The following NOB1 variants were observed in gnomAD, a reference collection of about 807,000 sequenced individuals.
The protein encoded by NOB1 is RNA-binding protein NOB1.
NOB1 carries 44 observed loss-of-function variants against 44.8 expected under a neutral mutation model. The observed-to-expected ratio is 0.98, with a 90% confidence interval of 0.77 to 1.26. NOB1 has a LOEUF of 1.26. Ranked by LOEUF, NOB1 falls within the 50% of genes most tolerant of loss-of-function variation. The pLI is 0.00. For missense variants in NOB1, 560 were observed against 544.8 expected (o/e 1.03, Z -0.28); for synonymous variants, 238 against 218.7 (o/e 1.09, Z -0.78).
rs545315440 is a variant in NOB1 at position 69,754,193 on chromosome 16, T to A, written c.196+401A>T. Among the ~76,000 whole-genome samples, 36 of 152,322 alleles carry A rather than the reference T, an allele frequency of 2.4e-4. 1 individual carries two copies. Among genetic ancestry groups the A allele is most frequent in the African/African-American group, 8.7e-4 (36 of 41,580 alleles). ...TCTTTGTATCCAGTCATCAGCCCAA[T>A]CTACTGAAAAGAAATGGACGAGAGT... On this transcript the variant is annotated intron_variant, in intron 2 of 8. Transcript: ENST00000268802.
intron 3 of NOB1, among the ~76,000 whole-genome samples, chr16:69,750,136 TG>T (rs1368740142): frequency 1.3e-5 from 2 of 151,366 alleles, no homozygotes; most frequent in African/African-American, 4.8e-5. Context: ...CCCAAGTAGC[TG>T]GGATTACAGG....
rs2038386614 is a variant in NOB1, at chr16:69,742,159, G to A, written c.*173C>T. The A allele has an allele frequency of 1.3e-6, 1 of 780,252 alleles. No homozygotes were observed. Among genetic ancestry groups the A allele is most frequent in the Admixed American group, 3.0e-5 (1 of 33,716 alleles). 48.3% of individuals were successfully genotyped at this position (780,252 alleles called of 1,614,324 possible). On this transcript the variant is annotated 3_prime_UTR_variant, in exon 9 of 9. Transcript: ENST00000268802. ...GGCGCTCCGGTGCTCACAGGCCATG[G>A]GACAGTCCAGTTCCCTGCAGACCCA...
intron 7 of NOB1, among the ~76,000 whole-genome samples, chr16:69,747,305 A>G (rs563242157): frequency 6.6e-6 from 1 of 152,002 alleles, no homozygotes; most frequent in Non-Finnish European, 1.5e-5. Flanking sequence ...TAGGAGGACA[A>G]GATAAGAGGA....
intron 2 of NOB1, among the ~76,000 whole-genome samples, chr16:69,753,543 T>C (rs2038499672): frequency 6.6e-6 from 1 of 152,224 alleles, no homozygotes; most frequent in Non-Finnish European, 1.5e-5. Context: ...TATGTGTTAA[T>C]GCATTTCATC....
rs745661273 is a variant in NOB1, at chr16:69,754,611, G to C, written c.179C>G (p.Pro60Arg). The stretch of plus-strand genomic sequence containing the variant: ...GCACTCACCCAGCCGCACGTATTCC[G>C]GTAAGGGCTCCTTGAACCGCAGCTC... ...PYELRFKEPL[P>R]EYVRLVTEFS... Residue 60 changes from proline to arginine, a missense_variant, in exon 2 of 9, where the codon CCG becomes CGG. By Grantham distance (103) the Pro-to-Arg change is moderately radical. Coordinates refer to ENST00000268802, the MANE Select transcript of NOB1 (RefSeq NM_014062.3). 1 of 1,614,122 alleles carries C rather than the reference G, an allele frequency of 6.2e-7. No individual in the cohort carries two copies. Among genetic ancestry groups the C allele is most frequent in the African/African-American group, 1.3e-5 (1 of 75,058 alleles).
chr16:69,746,296 C>G (rs1295033140), intron 7 of NOB1, among the ~76,000 whole-genome samples: 1 of 152,226 alleles, frequency 6.6e-6, no homozygotes, highest in African/African-American at 2.4e-5. Flanking sequence ...ACGTGATGCC[C>G]CCAGACCCAG....
chr16:69,744,526 G>A (rs566855113), intron 8 of NOB1, among the ~76,000 whole-genome samples: 2 of 151,928 alleles, frequency 1.3e-5, no homozygotes, highest in African/African-American at 4.8e-5. Context: ...TAGCCCGTCC[G>A]GCCCTCTCTT....
intron 2 of NOB1, among the ~76,000 whole-genome samples, chr16:69,754,140 C>T (rs1284404311): frequency 6.6e-6 from 1 of 152,246 alleles, no homozygotes; most frequent in East Asian, 1.9e-4. Context: ...GCAAAGCATT[C>T]CCTTTTTAAA....
chr16:69,747,285 C>G (rs1316943389), intron 7 of NOB1, among the ~76,000 whole-genome samples: 1 of 148,346 alleles, frequency 6.7e-6, no homozygotes, highest in East Asian at 2.0e-4. Context: ...GGCCTGTAAT[C>G]GCACCACTTT....
chr16:69,742,670 A>C, intron 8 of NOB1, 69 bp from the exon 9 acceptor site: 1 of 1,520,216 alleles, frequency 6.6e-7, no homozygotes, highest in Non-Finnish European at 9.1e-7. Flanking sequence ...ATGGCTGGTA[A>C]GGTGCAGCCG....
intron 8 of NOB1, among the ~76,000 whole-genome samples, chr16:69,743,388 C>G (rs890933956): frequency 4.6e-5 from 7 of 152,322 alleles, no homozygotes; most frequent in Admixed American, 3.3e-4. Context: ...GTCTCAGTCT[C>G]TTTCTACAAA....
At position 69,749,562 on chromosome 16, in the gene NOB1, G is replaced by A. The variant is rs536513691; in HGVS notation, c.396C>T (p.Tyr132=). 325 of 1,612,918 alleles carry A rather than the reference G, an allele frequency of 2.0e-4. 3 individuals are homozygous for A. The South Asian group carries it at 3.5e-3, about 17-fold the overall frequency. The change falls in exon 4 of 9, where the codon TAC becomes TAT. Residue 132 remains tyrosine (Y), a synonymous_variant. Transcript: ENST00000268802. ...CCTGGCTTGTCTAAGAAATTACCTT[G>A]TAGGGCAGATGGAAACCAGAAATGT... ...PLHISGFHLP[Y]KPKPPQETEK... is the part of the protein sequence containing the mutation.
At position 69,750,138 on chromosome 16, in the gene NOB1, G is replaced by A. The variant is rs559100460; in HGVS notation, c.328-508C>T. Among the ~76,000 whole-genome samples the A allele has an allele frequency of 4.0e-5, 6 of 151,508 alleles. No homozygotes were observed. The East Asian group carries it at 6.0e-4, about 15-fold the overall frequency. On this transcript the variant is annotated intron_variant, in intron 3 of 8. Coordinates refer to ENST00000268802, the MANE Select transcript of NOB1 (RefSeq NM_014062.3). The stretch of plus-strand genomic sequence containing the variant: ...CATGCTTCAGCCTCCCAAGTAGCTG[G>A]GATTACAGGTGTGCGCCACCATGCC...
chr16:69,742,193 TG>T lies in NOB1; in HGVS notation c.*138del. On this transcript the variant is annotated 3_prime_UTR_variant, in exon 9 of 9. Coordinates refer to ENST00000268802, the MANE Select transcript of NOB1 (RefSeq NM_014062.3). ...AGTTCCCTGCAGACCCAGCGGGGCA[TG>T]GGCGGACAGAGCCGCACCGTGAAGC... The T allele has an allele frequency of 9.0e-7, 1 of 1,111,380 alleles. No individual in the cohort carries two copies. Among genetic ancestry groups the T allele is most frequent in the Non-Finnish European group, 1.3e-6 (1 of 779,766 alleles). The allele number at this position is 1,111,380 out of a possible 1,614,324, so 68.8% of individuals were successfully genotyped here.
At position 69,747,307 on chromosome 16, in the gene NOB1, A is replaced by G. The variant is rs558992246; in HGVS notation, c.824+925T>C. 7.9e-5 allele frequency among the ~76,000 whole-genome samples: 12 copies of G among 152,006 alleles called. No individual in the cohort carries two copies. The South Asian group carries it at 2.3e-3, about 29-fold the overall frequency. On this transcript the variant is annotated intron_variant, in intron 7 of 8. Coordinates refer to ENST00000268802, the MANE Select transcript of NOB1 (RefSeq NM_014062.3). ...AATCGCACCACTTTAGGAGGACAAG[A>G]TAAGAGGATTGCTTGAGGCCAGGAG... is the stretch of plus-strand genomic sequence containing the variant.
Position 69,742,536 on chromosome 16 carries a change from G to A in NOB1, c.1035C>T (p.Arg345=), listed in dbSNP as rs375660852. The A allele has an allele frequency of 5.5e-5, 89 of 1,614,190 alleles. No homozygotes were observed. In the South Asian group the frequency reaches 9.3e-4, roughly 17 times the overall value. ...AINPHLTEDQ[R]FPQLRLSQKA... ...TTTGGGAGAGTCGCAGCTGAGGGAA[G>A]CGCTGATCCTCGGTGAGATGGGGGT... The change falls in exon 9 of 9, where the codon CGC becomes CGT. Residue 345 remains arginine (R), a synonymous_variant. Transcript: ENST00000268802.
intron 2 of NOB1, among the ~76,000 whole-genome samples, chr16:69,753,494 T>G (rs1386523329): frequency 6.6e-6 from 1 of 152,256 alleles, no homozygotes; most frequent in Non-Finnish European, 1.5e-5. Context: ...GAAAATTTAC[T>G]GTGCACTTAC....
At chr16:69,751,988 C>T (rs1226505998) in intron 3 of NOB1, among the ~76,000 whole-genome samples, 2 of 151,964 alleles carry the variant, frequency 1.3e-5, no homozygotes, top group African/African-American at 2.4e-5. Flanking sequence ...TCGCTTGAAC[C>T]CAGGAGGCGG....
intron 3 of NOB1, among the ~76,000 whole-genome samples, chr16:69,751,272 C>G (rs2038480380): frequency 6.6e-6 from 1 of 152,048 alleles, no homozygotes; most frequent in African/African-American, 2.4e-5. Context: ...CCTCCCAAAG[C>G]CCTGGGATTA....
Sources: allele counts gnomAD v4.1 joint callset (sites outside exome capture counted in the v4.1 genomes callset), GRCh38; gene constraint gnomAD v4.1.1; transcripts MANE v1.5; gene names NCBI Gene and HGNC (gene_info 2026-07-23, HGNC 2026-07-21).